WNT3A: variants seen among roughly 807,000 people sequenced by gnomAD.
WNT3A encodes Wnt family member 3A, also known as protein Wnt-3a.
WNT3A carries 17 observed loss-of-function variants against 37.0 expected under a neutral mutation model. The ratio of observed to expected loss-of-function variants is 0.46; its 90% CI spans 0.31 to 0.69. The LOEUF (loss-of-function observed/expected upper bound fraction) is 0.69, where lower values mean the gene tolerates loss of function less well. Among genes scored for constraint, WNT3A ranks in the 30% least tolerant of loss-of-function variants. The probability of loss-of-function intolerance (pLI) is 0.05; values close to 1 mark genes in which losing one functional copy is unlikely to be tolerated. For missense variants in WNT3A, 411 were observed against 510.2 expected (o/e 0.81, Z 1.87); for synonymous variants, 187 against 211.0 (o/e 0.89, Z 0.99).
chr1:228,010,527 T>C (rs2030339784), intron 1 of WNT3A, among the ~76,000 whole-genome samples: 1 of 152,202 alleles, frequency 6.6e-6, no homozygotes, highest in Admixed American at 6.5e-5. Context: ...CTGCCAGGCC[T>C]GGCCATAGCC....
intron 2 of WNT3A, among the ~76,000 whole-genome samples, chr1:228,046,620 T>A (rs2031413983): frequency 6.7e-6 from 1 of 149,430 alleles, no homozygotes; most frequent in Non-Finnish European, 1.5e-5. Context: ...TGTGTGCATG[T>A]GTATGGTATG....
chr1:228,051,529 T>G (rs945271688), intron 3 of WNT3A, among the ~76,000 whole-genome samples: 6 of 152,204 alleles, frequency 3.9e-5, no homozygotes, highest in African/African-American at 1.4e-4. Context: ...AGTTTAGTAC[T>G]CACAGTTCTG....
chr1:228,059,467 C>T lies in WNT3A; in HGVS notation c.*2C>T. 1.3e-6 allele frequency: 2 copies of T among 1,498,754 alleles called. No homozygotes were observed. The highest frequency in any genetic ancestry group is 1.8e-6 in the Non-Finnish European group (2 of 1,130,612). The allele number at this position is 1,498,754 out of a possible 1,614,324, so 92.8% of individuals were successfully genotyped here. A position where few individuals can be genotyped will look rare whatever the true frequency, so the allele number is the denominator to read the frequency against. On this transcript the variant is annotated 3_prime_UTR_variant, in exon 4 of 4. Transcript: ENST00000284523. ...TACGACGTGCACACCTGCAAGTAGG[C>T]ACCGGCCGCGGCTCCCCCTGGACGG...
chr1:228,059,669 G>C lies in WNT3A; in HGVS notation c.*204G>C, dbSNP rs932146621. 3 of 1,361,918 alleles carry C rather than the reference G, an allele frequency of 2.2e-6. No homozygotes were observed. Among genetic ancestry groups the C allele is most frequent in the Non-Finnish European group, 2.8e-6 (3 of 1,065,458 alleles). The allele number at this position is 1,361,918 out of a possible 1,614,324, so 84.4% of individuals were successfully genotyped here. ...TGGAGCTAGTGTCTCCTCTCTGGTGGCTGGGCTGCTCCTGAATGAGGCGGA... is the reference window on the plus strand; with the variant it reads ...TGGAGCTAGTGTCTCCTCTCTGGTGCCTGGGCTGCTCCTGAATGAGGCGGA... On this transcript the variant is annotated 3_prime_UTR_variant, in exon 4 of 4. Transcript: ENST00000284523.
rs1197445250 is a variant in WNT3A at position 228,008,517 on chromosome 1, AC to A, written c.71+1323del. Among the ~76,000 whole-genome samples the A allele has an allele frequency of 2.0e-5, 3 of 151,908 alleles. No homozygotes were observed. Among genetic ancestry groups the A allele is most frequent in the Non-Finnish European group, 4.4e-5 (3 of 67,886 alleles). ...GAGGCCGCGGGGACGCGCTTCGGGGACCCCCGCGCGCCCCTATTTCCGCGTG... is the reference window on the plus strand; with the variant it reads ...GAGGCCGCGGGGACGCGCTTCGGGGACCCCGCGCGCCCCTATTTCCGCGTG... On this transcript the variant is annotated intron_variant, in intron 1 of 3. Transcript: ENST00000284523. This position sits in a 1 kb window ranked among gnomAD's most constrained non-coding sequence, Gnocchi z 4.9.
chr1:228,043,052 GATGA>G (rs1226989692), intron 2 of WNT3A, among the ~76,000 whole-genome samples: 3 of 151,114 alleles, frequency 2.0e-5, no homozygotes, highest in Non-Finnish European at 2.9e-5. Flanking sequence ...ATGCACGATA[GATGA>G]ATGGATAGAT....
At position 228,042,491 on chromosome 1, in the gene WNT3A, G is replaced by A. The variant is rs1233410128; in HGVS notation, c.314-8165G>A. Among the ~76,000 whole-genome samples, 1 of 151,900 alleles carries A rather than the reference G, an allele frequency of 6.6e-6. No individual in the cohort carries two copies. The highest frequency in any genetic ancestry group is 6.6e-5 in the Admixed American group (1 of 15,246). On this transcript the variant is annotated intron_variant, in intron 2 of 3. Transcript: ENST00000284523. The surrounding 1 kb of genome is among the most constrained non-coding windows in gnomAD (Gnocchi z 5.2). The stretch of plus-strand genomic sequence containing the variant: ...GGTGATGGATGAATGGTGATGGATG[G>A]ATTAGAGATGGACAGATGATGGGCA...
At chr1:228,045,185 T>C (rs1354976621) in intron 2 of WNT3A, among the ~76,000 whole-genome samples, 1 of 152,196 alleles carries the variant, frequency 6.6e-6, no homozygotes, top group Non-Finnish European at 1.5e-5. Context: ...GGGCAGGGCA[T>C]GAGTGAGGCA....
Position 228,050,593 on chromosome 1 carries a change from ACCTGC to A in WNT3A, c.314-60_314-56del. ...CAATGCAAATGGGCTAAGACCCCTG[ACCTGC>A]CCAAGGCGGTCCTTTGAGCTGAGCC... On this transcript the variant is annotated intron_variant, in intron 2 of 3. Coordinates refer to ENST00000284523, the MANE Select transcript of WNT3A (RefSeq NM_033131.4). This position sits in a 1 kb window ranked among gnomAD's most constrained non-coding sequence, Gnocchi z 5.0. 1 of 1,516,012 alleles carries A rather than the reference ACCTGC, an allele frequency of 6.6e-7. No individual in the cohort carries two copies. Among genetic ancestry groups the A allele is most frequent in the Non-Finnish European group, 8.8e-7 (1 of 1,132,938 alleles). The allele number at this position is 1,516,012 out of a possible 1,614,324, so 93.9% of individuals were successfully genotyped here. A position where few individuals can be genotyped will look rare whatever the true frequency, so the allele number is the denominator to read the frequency against.
At position 228,008,620 on chromosome 1, in the gene WNT3A, G is replaced by A. The variant is rs12401893; in HGVS notation, c.71+1421G>A. Among the ~76,000 whole-genome samples the A allele has an allele frequency of 0.17, 25,765 of 152,102 alleles. 5,208 individuals are homozygous for A. Among genetic ancestry groups the A allele is most frequent in the African/African-American group, 0.48 (19,975 of 41,464 alleles). ...GGCTCGGGGCTCGCCTTGGGGTGCGGGGATACTGACGCGCGTCCAGACGGC... is the reference window on the plus strand; with the variant it reads ...GGCTCGGGGCTCGCCTTGGGGTGCGAGGATACTGACGCGCGTCCAGACGGC... On this transcript the variant is annotated intron_variant, in intron 1 of 3. Transcript: ENST00000284523. The surrounding 1 kb of genome is among the most constrained non-coding windows in gnomAD (Gnocchi z 4.9).
At chr1:228,043,016 T>G (rs1029992874) in intron 2 of WNT3A, among the ~76,000 whole-genome samples, 9 of 147,708 alleles carry the variant, frequency 6.1e-5, no homozygotes, top group Non-Finnish European at 1.2e-4. Flanking sequence ...AATGGATAGA[T>G]GGATGGATGG....
In WNT3A at chr1:228,034,401, C is replaced by T. The variant is rs147909101; in HGVS notation, c.313+11493C>T. ...TTTGCAGATTCATTAGGGCTTTCTA[C>T]GTATAAGATAGTTTTATTTCTTCCT... is the stretch of plus-strand genomic sequence containing the variant. On this transcript the variant is annotated intron_variant, in intron 2 of 3. Coordinates refer to ENST00000284523, the MANE Select transcript of WNT3A (RefSeq NM_033131.4). Among the ~76,000 whole-genome samples the T allele has an allele frequency of 9.3e-3, 1,419 of 152,254 alleles. 12 individuals are homozygous for T. The highest frequency in any genetic ancestry group is 0.034 in the Middle Eastern group (10 of 294).
intron 1 of WNT3A, among the ~76,000 whole-genome samples, chr1:228,012,236 A>G (rs536148608): frequency 4.6e-5 from 7 of 152,314 alleles, no homozygotes; most frequent in African/African-American, 1.7e-4. Flanking sequence ...CCCTCCCAAG[A>G]TACAGGTGAC....
intron 2 of WNT3A, among the ~76,000 whole-genome samples, chr1:228,036,259 CTT>C (rs2031139531): frequency 6.6e-6 from 1 of 152,164 alleles, no homozygotes. Context: ...GGCCCAGCCT[CTT>C]GTGTGTGTGT....
chr1:228,009,031 C>T (rs1379239030), intron 1 of WNT3A, among the ~76,000 whole-genome samples: 1 of 152,188 alleles, frequency 6.6e-6, no homozygotes, highest in Admixed American at 6.5e-5. Flanking sequence ...GAGTCCAGGA[C>T]AGCCCTTTGG....
chr1:228,042,168 G>A lies in WNT3A; in HGVS notation c.314-8488G>A, dbSNP rs978770646. Among the ~76,000 whole-genome samples the A allele has an allele frequency of 8.5e-5, 13 of 152,200 alleles. No individual in the cohort carries two copies. Among genetic ancestry groups the A allele is most frequent in the East Asian group, 1.9e-4 (1 of 5,186 alleles). On this transcript the variant is annotated intron_variant, in intron 2 of 3. Transcript: ENST00000284523. This position sits in a 1 kb window ranked among gnomAD's most constrained non-coding sequence, Gnocchi z 5.2. ...TGATTTTTGTATTTTTAGTAGAGAC[G>A]GGGTTTCACCATGTTGGCCAGGATG...
intron 3 of WNT3A, among the ~76,000 whole-genome samples, chr1:228,058,728 G>A (rs1412134607): frequency 6.6e-6 from 1 of 152,248 alleles, no homozygotes; most frequent in Non-Finnish European, 1.5e-5. Flanking sequence ...CCTAGACAGT[G>A]TAGAAGTACT....
intron 3 of WNT3A, among the ~76,000 whole-genome samples, chr1:228,055,807 A>G (rs2031673778): frequency 6.6e-6 from 1 of 152,212 alleles, no homozygotes; most frequent in Non-Finnish European, 1.5e-5. Context: ...CACTCACTCC[A>G]CTACCCAACT....
intron 1 of WNT3A, among the ~76,000 whole-genome samples, chr1:228,020,803 G>A (rs888093980): frequency 2.6e-5 from 4 of 152,260 alleles, no homozygotes; most frequent in East Asian, 3.9e-4. Flanking sequence ...GGTCTGGCGC[G>A]AGGTTATGCA....
Sources: allele counts gnomAD v4.1 joint callset (sites outside exome capture counted in the v4.1 genomes callset), GRCh38; gene constraint gnomAD v4.1.1; non-coding constraint Gnocchi (gnomAD v3.1); transcripts MANE v1.5; gene names NCBI Gene and HGNC (gene_info 2026-07-23, HGNC 2026-07-21).